USP49: variants seen among roughly 807,000 people sequenced by gnomAD.
USP49 encodes ubiquitin specific peptidase 49, also known as ubiquitin carboxyl-terminal hydrolase 49.
USP49 carries 24 observed loss-of-function variants against 58.6 expected under a neutral mutation model. The ratio of observed to expected loss-of-function variants is 0.41; its 90% confidence interval spans 0.30 to 0.58. The LOEUF (loss-of-function observed/expected upper bound fraction) is 0.58, where lower values mean the gene tolerates loss of function less well. Among genes scored for constraint, USP49 ranks in the 20% least tolerant of loss-of-function variants. USP49 has a pLI of 0.30. For missense variants in USP49, 703 were observed against 866.1 expected (o/e 0.81, Z 2.36); for synonymous variants, 408 against 365.1 (o/e 1.12, Z -1.34).
Position 41,851,973 on chromosome 6 carries a change from A to G in USP49, c.-29+19591T>C, listed in dbSNP as rs867869511. Reference sequence around the variant, plus strand: ...GTCTCAAAAAAAAAAAAAAAAAAAAAAAAGAAAGAAAAGAAGTAAATTTAT... The same window carrying G: ...GTCTCAAAAAAAAAAAAAAAAAAAAGAAAGAAAGAAAAGAAGTAAATTTAT... On this transcript the variant is annotated intron_variant, in intron 3 of 7. Transcript: ENST00000682992. Among the ~76,000 whole-genome samples, 600 of 148,540 alleles carry G rather than the reference A, an allele frequency of 4.0e-3. 3 individuals carry two copies. Among genetic ancestry groups the G allele is most frequent in the African/African-American group, 0.012 (484 of 40,042 alleles).
chr6:41,884,308 C>T (rs1774670052), intron 2 of USP49, among the ~76,000 whole-genome samples: 1 of 152,178 alleles, frequency 6.6e-6, no homozygotes, highest in South Asian at 2.1e-4. Context: ...CAGGCGTGAG[C>T]CACCGCGCCA....
intron 3 of USP49, among the ~76,000 whole-genome samples, chr6:41,860,272 GGA>G (rs199638282): frequency 6.7e-6 from 1 of 150,326 alleles, no homozygotes; most frequent in Non-Finnish European, 1.5e-5. Context: ...AGGGAGGGAG[GGA>G]GAGAGAGAGA....
intron 5 of USP49, among the ~76,000 whole-genome samples, chr6:41,802,430 TTA>T (rs1773022818): frequency 8.7e-5 from 6 of 69,258 alleles, no homozygotes; most frequent in African/African-American, 4.0e-4. Flanking sequence ...TTATTTTATT[TTA>T]TTTATTTATT....
chr6:41,889,895 G>T (rs562727210), intron 2 of USP49, among the ~76,000 whole-genome samples: 40 of 152,170 alleles, frequency 2.6e-4, no homozygotes, highest in Non-Finnish European at 5.0e-4. Flanking sequence ...GTGAAACTGA[G>T]TAAGGGTATA....
At chr6:41,857,817 A>C (rs192881209) in intron 3 of USP49, among the ~76,000 whole-genome samples, 5 of 152,358 alleles carry the variant, frequency 3.3e-5, no homozygotes, top group Admixed American at 2.0e-4. Context: ...TCTCTGTAAC[A>C]CAGGCATTAC....
At chr6:41,837,046 C>T (rs1302313853) in intron 3 of USP49, among the ~76,000 whole-genome samples, 1 of 152,128 alleles carries the variant, frequency 6.6e-6, no homozygotes, top group Non-Finnish European at 1.5e-5. Context: ...AAGCAATCTA[C>T]AGATTCAGTG....
At position 41,845,590 on chromosome 6, in the gene USP49, G is replaced by C. The variant is rs6923861; in HGVS notation, c.-29+25974C>G. Among the ~76,000 whole-genome samples, 1,484 of 152,074 alleles carry C rather than the reference G, an allele frequency of 9.8e-3. 27 individuals carry two copies. The highest frequency in any genetic ancestry group is 0.034 in the African/African-American group (1,418 of 41,464). On this transcript the variant is annotated intron_variant, in intron 3 of 7. Transcript: ENST00000682992. Reference sequence around the variant, plus strand: ...TAGTCCCAGCTACTTGGGAGGCAGAGTCAGGAGGCTCATTTGAGCCCAGGA... The same window carrying C: ...TAGTCCCAGCTACTTGGGAGGCAGACTCAGGAGGCTCATTTGAGCCCAGGA...
Position 41,803,708 on chromosome 6 carries a change from A to AC in USP49, c.1561+97_1561+98insG. ...AGATGCTTTAGAACCATTCAATATCATTAGTGTTACTTTTGACTAAAGAGG... is the reference window on the plus strand; with the variant it reads ...AGATGCTTTAGAACCATTCAATATCACTTAGTGTTACTTTTGACTAAAGAGG... On this transcript the variant is annotated intron_variant, in intron 5 of 7. Coordinates refer to ENST00000682992, the MANE Select transcript of USP49 (RefSeq NM_001286554.2). This position sits in a 1 kb window ranked among gnomAD's most constrained non-coding sequence, Gnocchi z 4.1. 2.3e-6 allele frequency: 3 copies of AC among 1,278,690 alleles called. No homozygotes were observed. Among genetic ancestry groups the AC allele is most frequent in the Non-Finnish European group, 3.3e-6 (3 of 897,668 alleles). The allele number at this position is 1,278,690 out of a possible 1,614,324, so 79.2% of individuals were successfully genotyped here.
rs1773048457 is a variant in USP49 at position 41,803,048 on chromosome 6, A to G, written c.1561+758T>C. On this transcript the variant is annotated intron_variant, in intron 5 of 7. Coordinates refer to ENST00000682992, the MANE Select transcript of USP49 (RefSeq NM_001286554.2). The surrounding 1 kb of genome is among the most constrained non-coding windows in gnomAD (Gnocchi z 4.1). ...ATCACTTTTGACAGACATTAAGTCT[A>G]CCAGTTCAGTACAAAAGCTTGCTTT... 6.6e-6 allele frequency among the ~76,000 whole-genome samples: 1 copy of G among 152,230 alleles called. No homozygotes were observed. The highest frequency in any genetic ancestry group is 6.5e-5 in the Admixed American group (1 of 15,284).
In USP49 at chr6:41,792,913, C is replaced by A. The variant is rs1400430413; in HGVS notation, c.*3620G>T. ...CACAAAGCTTTATCAGTAAGTAGAA[C>A]AAACTCCATTTCTCCCTCCCGGCCA... On this transcript the variant is annotated 3_prime_UTR_variant, in exon 8 of 8. Coordinates refer to ENST00000682992, the MANE Select transcript of USP49 (RefSeq NM_001286554.2). The A allele has an allele frequency of 6.6e-6, 1 of 152,158 alleles. No homozygotes were observed. Among genetic ancestry groups the A allele is most frequent in the Non-Finnish European group, 1.5e-5 (1 of 68,032 alleles). 9.4% of individuals were successfully genotyped at this position (152,158 alleles called of 1,614,324 possible).
At chr6:41,802,428 T>TTTTATTTTATTTATTTATTTA (rs10688447) in intron 5 of USP49, among the ~76,000 whole-genome samples, 2 of 106,432 alleles carry the variant, frequency 1.9e-5, no homozygotes, top group African/African-American at 7.0e-5. Context: ...TTTTATTTTA[T>TTTTATTTTATTTATTTATTTA]TTTATTTATT....
At chr6:41,871,874 G>T (rs1774417904) in intron 2 of USP49, among the ~76,000 whole-genome samples, 1 of 152,074 alleles carries the variant, frequency 6.6e-6, no homozygotes, top group African/African-American at 2.4e-5. Context: ...AAGTATTAAA[G>T]GTTTACTTCC....
chr6:41,807,425 C>G (rs1773160387), intron 3 of USP49, among the ~76,000 whole-genome samples: 1 of 152,116 alleles, frequency 6.6e-6, no homozygotes, highest in South Asian at 2.1e-4. Context: ...TTTTATGAGA[C>G]GTGACTAAGG....
chr6:41,894,620 AC>A (rs1378447315), intron 1 of USP49, among the ~76,000 whole-genome samples: 1 of 150,952 alleles, frequency 6.6e-6, no homozygotes, highest in African/African-American at 2.4e-5. Flanking sequence ...CCCAACTATT[AC>A]CCCAGCTCTG....
intron 3 of USP49, among the ~76,000 whole-genome samples, chr6:41,868,127 C>T (rs2127357964): frequency 6.6e-6 from 1 of 152,276 alleles, no homozygotes; most frequent in Non-Finnish European, 1.5e-5. Context: ...CCTGAAGCTG[C>T]CACTTGCAAT....
chr6:41,848,234 A>T (rs187248193), intron 3 of USP49, among the ~76,000 whole-genome samples: 100 of 152,276 alleles, frequency 6.6e-4, no homozygotes, highest in African/African-American at 2.4e-3. Context: ...ATGAGAAGAG[A>T]ATCAACATAC....
rs1772774571 is a variant in USP49 at position 41,790,323 on chromosome 6, G to A, written c.*6210C>T. 1 of 152,182 alleles carries A rather than the reference G, an allele frequency of 6.6e-6. No homozygotes were observed. Among genetic ancestry groups the A allele is most frequent in the Admixed American group, 6.5e-5 (1 of 15,282 alleles). 9.4% of individuals were successfully genotyped at this position (152,182 alleles called of 1,614,324 possible). A position where few individuals can be genotyped will look rare whatever the true frequency, so the allele number is the denominator to read the frequency against. ...GTGGTCACTAAAGTGACACTGCTGA[G>A]GCAGCTGCTTCCTTCAGAAGGAAAT... On this transcript the variant is annotated 3_prime_UTR_variant, in exon 8 of 8. Coordinates refer to ENST00000682992, the MANE Select transcript of USP49 (RefSeq NM_001286554.2).
In USP49 at chr6:41,793,251, TTTTTTG is replaced by T. The variant is rs1384578026; in HGVS notation, c.*3276_*3281del. The T allele has an allele frequency of 2.0e-5, 3 of 152,584 alleles. No homozygotes were observed. Among genetic ancestry groups the T allele is most frequent in the African/African-American group, 7.4e-5 (3 of 40,636 alleles). The allele number at this position is 152,584 out of a possible 1,614,324, so 9.5% of individuals were successfully genotyped here. On this transcript the variant is annotated 3_prime_UTR_variant, in exon 8 of 8. Coordinates refer to ENST00000682992, the MANE Select transcript of USP49 (RefSeq NM_001286554.2). ...AGAGACATCTGGAAATTCTTTTTTT[TTTTTTG>T]TTTTTGTTTTTGTTTTTTTTTTAAG...
rs928527185 is a variant in USP49, at chr6:41,796,471, A to G, written c.*62T>C. On this transcript the variant is annotated 3_prime_UTR_variant, in exon 8 of 8. Transcript: ENST00000682992. ...TGTTCCTGCAGTAGCCTTATTTCCT[A>G]TAAGAGGAAAGATGTATGGACACCA... 7 of 687,152 alleles carry G rather than the reference A, an allele frequency of 1.0e-5. No homozygotes were observed. Among genetic ancestry groups the G allele is most frequent in the East Asian group, 5.4e-5 (2 of 37,028 alleles). 42.6% of individuals were successfully genotyped at this position (687,152 alleles called of 1,614,324 possible).
Sources: gnomAD v4.1 joint callset for allele counts (sites outside exome capture counted in the v4.1 genomes callset) on GRCh38, gnomAD v4.1.1 for gene constraint, Gnocchi (gnomAD v3.1) non-coding constraint, MANE v1.5 for transcripts, NCBI Gene and HGNC (gene_info 2026-07-23, HGNC 2026-07-21) for gene names.